Variants in HYDIN observed in about 807,000 individuals in gnomAD.
HYDIN encodes the protein axonemal central pair apparatus protein HYDIN.
HYDIN carries 132 observed loss-of-function variants against 403.9 expected under a neutral mutation model. The ratio of observed to expected loss-of-function variants is 0.33; its 90% CI spans 0.28 to 0.38. The LOEUF is 0.38. HYDIN is among the 10% of genes least tolerant of loss of function. The pLI is 1.00. For missense variants in HYDIN, 2,827 were observed against 5,009.5 expected, an observed-to-expected ratio of 0.56 and a Z score of 13.15; for synonymous variants, 1,202 against 1,891.7, an observed-to-expected ratio of 0.64 and a Z score of 9.46.
At chr16:70,949,137 G>A (rs1597392445) in intron 41 of HYDIN, among the ~76,000 whole-genome samples, 1 of 152,060 alleles carries the variant, frequency 6.6e-6, no homozygotes, top group Non-Finnish European at 1.5e-5. Context: ...CATAAAAAAT[G>A]ATGAGCTCAT....
chr16:71,006,777 C>T (rs2158439), intron 23 of HYDIN, among the ~76,000 whole-genome samples: 36 of 152,142 alleles, frequency 2.4e-4, no homozygotes, highest in Middle Eastern at 3.4e-3. Flanking sequence ...TCATCTAGCC[C>T]GCCCCAGCAG....
At chr16:71,207,789 C>T (rs550887473) in intron 1 of HYDIN, among the ~76,000 whole-genome samples, 2 of 152,086 alleles carry the variant, frequency 1.3e-5, no homozygotes, top group South Asian at 4.2e-4. Context: ...TCAGACAAAA[C>T]AGACTTTAAA....
In HYDIN at chr16:70,806,835, C is replaced by A. The variant is rs2035128280; in HGVS notation, c.*745G>T. On this transcript the variant is annotated 3_prime_UTR_variant, in exon 86 of 86. Transcript: ENST00000393567. ...CCAGACCAATTACATCAGATGGGGA[C>A]TGGGCACGTTCAGAGTGAGAGTTAG... Among the ~76,000 whole-genome samples, 1 of 152,170 alleles carries A rather than the reference C, an allele frequency of 6.6e-6. No homozygotes were observed. Among genetic ancestry groups the A allele is most frequent in the Non-Finnish European group, 1.5e-5 (1 of 68,032 alleles).
chr16:70,944,057 C>T, intron 41 of HYDIN, 108 bp from the exon 42 acceptor site: 2 of 809,102 alleles, frequency 2.5e-6, no homozygotes, highest in South Asian at 3.3e-5. Flanking sequence ...CTGTCATTTC[C>T]TCATCTGTAC....
intron 21 of HYDIN, among the ~76,000 whole-genome samples, chr16:71,024,372 T>C (rs1037302761): frequency 6.6e-6 from 1 of 152,130 alleles, no homozygotes; most frequent in African/African-American, 2.4e-5. Flanking sequence ...CTATTTTTAC[T>C]TGTAGTCTCA....
chr16:70,811,809 A>G (rs1209140025), intron 84 of HYDIN, among the ~76,000 whole-genome samples: 1 of 150,752 alleles, frequency 6.6e-6, no homozygotes, highest in East Asian at 2.0e-4. Context: ...GTGAGCCGAG[A>G]TCACGCCATT....
At chr16:70,845,613 A>T (rs1011412644) in intron 75 of HYDIN, among the ~76,000 whole-genome samples, 6 of 125,176 alleles carry the variant, frequency 4.8e-5, no homozygotes, top group Admixed American at 3.8e-4. Flanking sequence ...TTCAGAAGGA[A>T]TGGTACCAGT....
chr16:71,180,309 T>G (rs2086844863), intron 3 of HYDIN, among the ~76,000 whole-genome samples: 1 of 151,968 alleles, frequency 6.6e-6, no homozygotes, highest in Non-Finnish European at 1.5e-5. Context: ...GTATCAAAAC[T>G]GGCACAAGAA....
chr16:71,059,320 G>A (rs538402605), intron 18 of HYDIN, among the ~76,000 whole-genome samples: 1 of 152,036 alleles, frequency 6.6e-6, no homozygotes, highest in South Asian at 2.1e-4. Context: ...TTTTGCATAT[G>A]GTGTGAGGAA....
intron 22 of HYDIN, among the ~76,000 whole-genome samples, chr16:71,018,930 G>A: frequency 6.8e-6 from 1 of 146,990 alleles, no homozygotes; most frequent in Middle Eastern, 3.4e-3. Context: ...GGTGGGGTTG[G>A]GGGTGGGGGG....
intron 9 of HYDIN, among the ~76,000 whole-genome samples, chr16:71,120,115 C>CTCTA (rs2084202895): frequency 6.6e-6 from 1 of 152,064 alleles, no homozygotes; most frequent in Non-Finnish European, 1.5e-5. Context: ...GACCCCTCTC[C>CTCTA]CATGACTGCC....
At chr16:71,058,872 C>A (rs1597669473) in intron 18 of HYDIN, among the ~76,000 whole-genome samples, 2 of 151,808 alleles carry the variant, frequency 1.3e-5, no homozygotes, top group South Asian at 4.2e-4. Context: ...CCTCAGCCTA[C>A]TTAATGTGAA....
intron 9 of HYDIN, among the ~76,000 whole-genome samples, chr16:71,118,874 T>C (rs1405484335): frequency 6.6e-6 from 1 of 151,704 alleles, no homozygotes; most frequent in Non-Finnish European, 1.5e-5. Context: ...ATCCTGGGCT[T>C]CTTACTCACC....
chr16:70,991,492 T>TACC (rs2079349681), intron 24 of HYDIN, 96 bp from the exon 25 acceptor site: 2 of 1,554,364 alleles, frequency 1.3e-6, no homozygotes, highest in Admixed American at 3.7e-5. Flanking sequence ...CTTCTCCCTC[T>TACC]ACCACACCCC....
At chr16:71,124,230 G>C (rs944053598) in intron 9 of HYDIN, among the ~76,000 whole-genome samples, 9 of 152,154 alleles carry the variant, frequency 5.9e-5, no homozygotes, top group African/African-American at 2.2e-4. Flanking sequence ...TAAATGATGA[G>C]CATGATGAGA....
chr16:70,894,995 T>C (rs560466307), intron 54 of HYDIN, among the ~76,000 whole-genome samples: 1 of 152,388 alleles, frequency 6.6e-6, no homozygotes, highest in East Asian at 1.9e-4. Context: ...CATGATATTA[T>C]TCCTACAATA....
chr16:70,978,626 G>A (rs1386976992), intron 30 of HYDIN, among the ~76,000 whole-genome samples: 2 of 152,218 alleles, frequency 1.3e-5, no homozygotes, highest in African/African-American at 4.8e-5. Context: ...CACACCTCTC[G>A]TTGCCCTCAG....
At chr16:71,166,433 C>T in intron 5 of HYDIN, among the ~76,000 whole-genome samples, 1 of 80,910 alleles carries the variant, frequency 1.2e-5, no homozygotes, top group South Asian at 6.5e-4. Context: ...AGGAGGTGAC[C>T]TTCGGATGGG....
chr16:70,972,115 C>G (rs2078751162), intron 35 of HYDIN, among the ~76,000 whole-genome samples: 1 of 148,444 alleles, frequency 6.7e-6, no homozygotes, highest in Middle Eastern at 3.5e-3. Context: ...CTTGAGTAAA[C>G]CCTTTGAAAA....
Sources: allele counts gnomAD v4.1 joint callset (sites outside exome capture counted in the v4.1 genomes callset), GRCh38; gene constraint gnomAD v4.1.1; transcripts MANE v1.5; gene names NCBI Gene and HGNC (gene_info 2026-07-23, HGNC 2026-07-21).